The following STARD13 variants were observed in gnomAD, a reference collection of about 807,000 sequenced individuals.
STARD13 encodes the protein StAR related lipid transfer domain containing 13.
STARD13 carries 62 observed loss-of-function variants against 106.4 expected under a neutral mutation model. The ratio of observed to expected loss-of-function variants is 0.58; its 90% CI spans 0.48 to 0.72. The LOEUF is 0.72. STARD13 is among the 30% of genes least tolerant of loss of function. STARD13 has a pLI of 0.00. For missense variants in STARD13, 1,387 were observed against 1,424.0 expected, an observed-to-expected ratio of 0.97 and a Z score of 0.42; for synonymous variants, 565 against 553.0, an observed-to-expected ratio of 1.02 and a Z score of -0.31.
chr13:33,532,089 G>T, the STARD13 span, among the ~76,000 whole-genome samples: 1 of 152,096 alleles, frequency 6.6e-6, no homozygotes, highest in Non-Finnish European at 1.5e-5. Context: ...GCTCAGCACA[G>T]TCTATAGGCT....
intron 4 of STARD13, among the ~76,000 whole-genome samples, chr13:33,131,053 T>G (rs1566011005): frequency 6.6e-6 from 1 of 152,182 alleles, no homozygotes; most frequent in Non-Finnish European, 1.5e-5. Flanking sequence ...CCTCACACAT[T>G]GACTCTAGGT....
At chr13:33,323,253 C>G (rs911239050) in intron 1 of STARD13, among the ~76,000 whole-genome samples, 2 of 152,170 alleles carry the variant, frequency 1.3e-5, no homozygotes, top group African/African-American at 4.8e-5. Flanking sequence ...TGATTCTGAG[C>G]CTTTGCATAT....
chr13:33,293,199 C>T (rs1262726536), intron 1 of STARD13, among the ~76,000 whole-genome samples: 2 of 152,108 alleles, frequency 1.3e-5, no homozygotes, highest in Admixed American at 6.5e-5. Context: ...CATATGTATT[C>T]GCTCATGGAC....
At chr13:33,187,993 G>A (rs1885928370) in intron 1 of STARD13, among the ~76,000 whole-genome samples, 1 of 152,100 alleles carries the variant, frequency 6.6e-6, no homozygotes, top group Admixed American at 6.6e-5. Flanking sequence ...CCTAAACGAA[G>A]CATCTTTAAA....
chr13:33,393,052 C>T, the STARD13 span, among the ~76,000 whole-genome samples: 5 of 152,164 alleles, frequency 3.3e-5, no homozygotes, highest in East Asian at 1.9e-4. Flanking sequence ...GAAACAAAGA[C>T]GCATTTGTTG....
At position 33,115,999 on chromosome 13, in the gene STARD13, G is replaced by A. The variant is rs147646094; in HGVS notation, c.2281+2066C>T. The stretch of plus-strand genomic sequence containing the variant: ...ATGACTGTTCAAATGACTGTTCGTT[G>A]GATATTTGGTTCTGTCTTTACAGCT... On this transcript the variant is annotated intron_variant, in intron 8 of 13. Transcript: ENST00000336934. 3.0e-3 allele frequency among the ~76,000 whole-genome samples: 455 copies of A among 152,310 alleles called. 2 individuals carry two copies. The Middle Eastern group carries it at 0.051, about 17-fold the overall frequency.
chr13:33,529,891 G>T, the STARD13 span, among the ~76,000 whole-genome samples: 1 of 152,144 alleles, frequency 6.6e-6, no homozygotes, highest in African/African-American at 2.4e-5. Flanking sequence ...ATGATCTGTA[G>T]AAGGTAAATG....
the STARD13 span, among the ~76,000 whole-genome samples, chr13:33,514,007 T>C: frequency 6.6e-6 from 1 of 152,176 alleles, no homozygotes; most frequent in East Asian, 1.9e-4. Flanking sequence ...GAAATGTGCC[T>C]GAGAAAGTCA....
At chr13:33,439,944 C>T in the STARD13 span, among the ~76,000 whole-genome samples, 24 of 152,262 alleles carry the variant, frequency 1.6e-4, no homozygotes, top group African/African-American at 3.1e-4. Flanking sequence ...ATGGGGAAGA[C>T]GCATTAAATG....
the STARD13 span, chr13:33,520,082 G>A: frequency 1.3e-5 from 2 of 152,124 alleles, no homozygotes; most frequent in African/African-American, 4.8e-5. Flanking sequence ...TCTGCGGAGT[G>A]GAGAATTTAT....
At chr13:33,272,139 C>T (rs1015177322) in intron 1 of STARD13, among the ~76,000 whole-genome samples, 2 of 152,200 alleles carry the variant, frequency 1.3e-5, no homozygotes, top group Non-Finnish European at 2.9e-5. Context: ...TGGTACATCA[C>T]AGTGGGTCCT....
Position 33,302,702 on chromosome 13 carries a change from T to C in STARD13, c.124+47588A>G, listed in dbSNP as rs367758108. On this transcript the variant is annotated intron_variant, in intron 1 of 5. Coordinates refer to the STARD13 transcript ENST00000567873. ...AATTACGGGCATGAGTTGCTGTGCCTGGCTTTATCTCATCTAATTCTACAA... is the reference window on the plus strand; with the variant it reads ...AATTACGGGCATGAGTTGCTGTGCCCGGCTTTATCTCATCTAATTCTACAA... Among the ~76,000 whole-genome samples, 27 of 152,334 alleles carry C rather than the reference T, an allele frequency of 1.8e-4. No individual in the cohort carries two copies. The East Asian group carries it at 4.8e-3, about 27-fold the overall frequency.
At chr13:33,376,587 C>G in the STARD13 span, among the ~76,000 whole-genome samples, 1 of 151,724 alleles carries the variant, frequency 6.6e-6, no homozygotes, top group East Asian at 1.9e-4. Flanking sequence ...ACCCACCACA[C>G]TCTATCCTGA....
At chr13:33,272,770 G>GT (rs1291199702) in intron 1 of STARD13, 3 of 152,226 alleles carry the variant, frequency 2.0e-5, no homozygotes, top group African/African-American at 7.2e-5. Flanking sequence ...GGAAGCTACA[G>GT]TGTCCAGGGC....
the STARD13 span, among the ~76,000 whole-genome samples, chr13:33,482,152 C>T: frequency 6.6e-6 from 1 of 152,108 alleles, no homozygotes; most frequent in Admixed American, 6.5e-5. Flanking sequence ...TGAATTGACA[C>T]AATGACTGGA....
chr13:33,287,546 A>G (rs1227577333), upstream of STARD13, among the ~76,000 whole-genome samples: 1 of 152,188 alleles, frequency 6.6e-6, no homozygotes, highest in Non-Finnish European at 1.5e-5. Context: ...GTTCCATAGC[A>G]TCGTCTGTGG....
At chr13:33,348,388 C>A (rs752483395), downstream of STARD13, among the ~76,000 whole-genome samples, 28 of 152,310 alleles carry the variant, frequency 1.8e-4, no homozygotes, top group Non-Finnish European at 3.8e-4. Flanking sequence ...CTTGGACAAT[C>A]TTAATAGCTT....
At chr13:33,143,679 G>C (rs1276807767) in intron 3 of STARD13, among the ~76,000 whole-genome samples, 2 of 152,130 alleles carry the variant, frequency 1.3e-5, no homozygotes, top group African/African-American at 2.4e-5. Flanking sequence ...TCAGCCTCCT[G>C]AGTAGCTGGG....
chr13:33,300,756 G>A (rs1488683210), intron 1 of STARD13, among the ~76,000 whole-genome samples: 1 of 152,036 alleles, frequency 6.6e-6, no homozygotes, highest in African/African-American at 2.4e-5. Flanking sequence ...ATTGATTATG[G>A]AAATTACCAT....
Sources: gnomAD v4.1 joint callset for allele counts (sites outside exome capture counted in the v4.1 genomes callset) on GRCh38, gnomAD v4.1.1 for gene constraint, MANE v1.5 for transcripts, NCBI Gene and HGNC (gene_info 2026-07-23, HGNC 2026-07-21) for gene names.